Variants in DPP6 observed in about 807,000 individuals in gnomAD.
DPP6 encodes the protein dipeptidyl peptidase like 6, also known as A-type potassium channel modulatory protein DPP6.
In DPP6, 69 loss-of-function variants were observed where a neutral mutation model predicts 122.6. That is an observed-to-expected ratio of 0.56 (90% CI 0.46 to 0.69). The LOEUF (loss-of-function observed/expected upper bound fraction) is 0.69. Among genes scored for constraint, DPP6 ranks in the 30% least tolerant of loss-of-function variants. The pLI is 0.00. For synonymous variants in DPP6, 418 were observed against 433.1 expected, an observed-to-expected ratio of 0.97 and a Z score of 0.43; for missense variants, 928 against 1,116.9, an observed-to-expected ratio of 0.83 and a Z score of 2.41.
chr7:154,796,178 A>T lies in DPP6; in HGVS notation c.1299+295A>T, dbSNP rs918767889. On this transcript the variant is annotated intron_variant, in intron 12 of 25. Coordinates refer to ENST00000377770, the MANE Select transcript of DPP6 (RefSeq NM_130797.4). ...GCAGTTAGATGCCAGCACCTTGCTG[A>T]ATTGAAAATGAACAGTCCATCAAAG... The T allele has an allele frequency of 1.5e-5, 6 of 405,626 alleles. 1 individual carries two copies. In the Admixed American group the frequency reaches 1.7e-4, roughly 11 times the overall value. The allele number at this position is 405,626 out of a possible 1,614,324, so 25.1% of individuals were successfully genotyped here.
At chr7:153,777,858 T>A in the DPP6 span, among the ~76,000 whole-genome samples, 1 of 145,410 alleles carries the variant, frequency 6.9e-6, no homozygotes, top group Non-Finnish European at 1.5e-5. Flanking sequence ...TATACGAAAT[T>A]GTACAACATG....
At position 154,091,968 on chromosome 7, in the gene DPP6, C is replaced by T. The variant is rs138555589; in HGVS notation, c.243+38905C>T. On this transcript the variant is annotated intron_variant, in intron 1 of 25. Transcript: ENST00000377770. ...TGATTGGGATGATGGGCTGGCTGAC[C>T]CTTGGTGGTTCTCAACAATTTCCAG... Among the ~76,000 whole-genome samples the T allele has an allele frequency of 4.4e-4, 67 of 152,088 alleles. 2 individuals are homozygous for T. The highest frequency in any genetic ancestry group is 1.2e-4 in the Non-Finnish European group (8 of 68,014).
At chr7:153,839,151 C>T in the DPP6 span, among the ~76,000 whole-genome samples, 3 of 152,268 alleles carry the variant, frequency 2.0e-5, no homozygotes, top group East Asian at 1.9e-4. Context: ...GCATGTGTCT[C>T]GCTATCTGAT....
At chr7:154,775,679 G>A (rs1205985373) in intron 10 of DPP6, among the ~76,000 whole-genome samples, 1 of 152,054 alleles carries the variant, frequency 6.6e-6, no homozygotes, top group African/African-American at 2.4e-5. Context: ...AGCCATCCGG[G>A]AGAGACGCCT....
chr7:154,496,116 A>G (rs1824716719), intron 3 of DPP6, among the ~76,000 whole-genome samples: 1 of 152,206 alleles, frequency 6.6e-6, no homozygotes, highest in African/African-American at 2.4e-5. Flanking sequence ...TTTCACACAT[A>G]TTGTATATCT....
intron 7 of DPP6, among the ~76,000 whole-genome samples, chr7:154,726,779 C>T (rs1266206699): frequency 6.6e-6 from 1 of 152,236 alleles, no homozygotes; most frequent in Non-Finnish European, 1.5e-5. Context: ...ATTTTCCAAA[C>T]TTTTATGCTC....
At chr7:154,678,228 G>C (rs1276990776) in intron 7 of DPP6, among the ~76,000 whole-genome samples, 1 of 152,204 alleles carries the variant, frequency 6.6e-6, no homozygotes, top group South Asian at 2.1e-4. Flanking sequence ...GCTGGCCACC[G>C]CCGCCCAACA....
the DPP6 span, among the ~76,000 whole-genome samples, chr7:153,838,904 T>C: frequency 6.6e-6 from 1 of 152,106 alleles, no homozygotes; most frequent in Non-Finnish European, 1.5e-5. Context: ...ATTAGGAGCA[T>C]TCCTGGCACG....
At chr7:153,910,641 G>T (rs544483162) in intron 1 of DPP6, among the ~76,000 whole-genome samples, 3 of 152,150 alleles carry the variant, frequency 2.0e-5, no homozygotes, top group African/African-American at 7.2e-5. Flanking sequence ...CACCTCTCAC[G>T]TGCCTAATGG....
At position 154,566,840 on chromosome 7, in the gene DPP6, A is replaced by G; in HGVS notation, c.553-2A>G. 1 of 1,549,190 alleles carries G rather than the reference A, an allele frequency of 6.5e-7. No homozygotes were observed. The highest frequency in any genetic ancestry group is 8.8e-7 in the Non-Finnish European group (1 of 1,130,746). On this transcript the variant is annotated splice_acceptor_variant, in intron 4 of 25. Coordinates refer to ENST00000377770, the MANE Select transcript of DPP6 (RefSeq NM_130797.4). LOFTEE classifies it high-confidence loss of function. Reference sequence around the variant, plus strand: ...AAATTCTTTGTCTATTTTTTCTTTTAGGAATCATTAAGAGCCATCAGATAT... The same window carrying G: ...AAATTCTTTGTCTATTTTTTCTTTTGGGAATCATTAAGAGCCATCAGATAT...
intron 10 of DPP6, among the ~76,000 whole-genome samples, chr7:154,781,818 C>T (rs1294516064): frequency 2.6e-5 from 4 of 152,206 alleles, no homozygotes; most frequent in South Asian, 2.1e-4. Flanking sequence ...TTGTTCCCCT[C>T]GCCCTTTACT....
chr7:153,770,395 A>G, the DPP6 span, among the ~76,000 whole-genome samples: 1 of 152,166 alleles, frequency 6.6e-6, no homozygotes, highest in African/African-American at 2.4e-5. Context: ...ACAAAGAACA[A>G]AGAAGAATAT....
At chr7:154,531,630 A>C (rs1827844315) in intron 3 of DPP6, among the ~76,000 whole-genome samples, 1 of 152,192 alleles carries the variant, frequency 6.6e-6, no homozygotes, top group Non-Finnish European at 1.5e-5. Context: ...GATAAATGCA[A>C]AAGACATTTT....
chr7:154,440,359 C>A (rs1161409664), intron 1 of DPP6, among the ~76,000 whole-genome samples: 1 of 152,126 alleles, frequency 6.6e-6, no homozygotes, highest in East Asian at 1.9e-4. Flanking sequence ...CTAGCAAAAG[C>A]ACCCCGGAAG....
At chr7:154,195,516 C>T (rs1001051327) in intron 1 of DPP6, among the ~76,000 whole-genome samples, 8 of 152,076 alleles carry the variant, frequency 5.3e-5, no homozygotes, top group African/African-American at 7.3e-5. Context: ...TTGGGTAAAC[C>T]GCATCAGGCT....
intron 1 of DPP6, among the ~76,000 whole-genome samples, chr7:153,950,673 C>T (rs57884191): frequency 0.28 from 42,370 of 152,014 alleles, 6,436 homozygotes; most frequent in East Asian, 0.59. Flanking sequence ...GAGAGAGGAG[C>T]TGTGAGAAAA....
chr7:154,394,979 G>T (rs186994393), intron 1 of DPP6, among the ~76,000 whole-genome samples: 1 of 152,280 alleles, frequency 6.6e-6, no homozygotes, highest in Non-Finnish European at 1.5e-5. Flanking sequence ...CACTTTGTGT[G>T]GTGCCTTACT....
At chr7:154,456,480 C>A (rs1195354123) in intron 2 of DPP6, among the ~76,000 whole-genome samples, 2 of 152,096 alleles carry the variant, frequency 1.3e-5, no homozygotes, top group African/African-American at 4.8e-5. Flanking sequence ...ATGATCATTG[C>A]AGCCTCAGAG....
intron 1 of DPP6, among the ~76,000 whole-genome samples, chr7:153,916,534 G>T (rs575740158): frequency 6.6e-6 from 1 of 151,406 alleles, no homozygotes; most frequent in African/African-American, 2.4e-5. Context: ...TCAGCCTCCC[G>T]AGTAGGTAGG....
Sources: allele counts gnomAD v4.1 joint callset (sites outside exome capture counted in the v4.1 genomes callset), GRCh38; gene constraint gnomAD v4.1.1; transcripts MANE v1.5; gene names NCBI Gene and HGNC (gene_info 2026-07-23, HGNC 2026-07-21).